The following KCNK9 variants were observed in gnomAD, a reference collection of about 807,000 sequenced individuals.
KCNK9 encodes potassium channel subfamily K member 9.
Under a neutral mutation model 10.8 loss-of-function variants are expected in KCNK9, and 1 was observed. That is an observed-to-expected ratio of 0.09 (90% confidence interval 0.03 to 0.44). The LOEUF is 0.44. KCNK9 is among the 20% of genes least tolerant of loss of function. The pLI is 0.97. For synonymous variants in KCNK9, 231 were observed against 222.7 expected (o/e 1.04, Z -0.33); for missense variants, 303 against 515.0 (o/e 0.59, Z 3.98).
chr8:139,696,214 C>T (rs1481863067), intron 1 of KCNK9, among the ~76,000 whole-genome samples: 1 of 152,132 alleles, frequency 6.6e-6, no homozygotes. Flanking sequence ...GAGCTCTTTA[C>T]CACTGGAGGC....
intron 1 of KCNK9, among the ~76,000 whole-genome samples, chr8:139,695,600 G>C (rs1817030095): frequency 6.6e-6 from 1 of 152,186 alleles, no homozygotes; most frequent in Non-Finnish European, 1.5e-5. Flanking sequence ...AAAATCCCTT[G>C]AGGAAAGGGA....
downstream of KCNK9, among the ~76,000 whole-genome samples, chr8:139,614,499 G>T (rs1467141559): frequency 6.6e-6 from 1 of 152,210 alleles, no homozygotes; most frequent in Non-Finnish European, 1.5e-5. Context: ...GCGCGCAGAT[G>T]CTTCCAAGGG....
intron 2 of KCNK9, among the ~76,000 whole-genome samples, chr8:139,603,544 G>T (rs191204347): frequency 6.6e-6 from 1 of 152,340 alleles, no homozygotes; most frequent in East Asian, 1.9e-4. Flanking sequence ...TTACTTGGTT[G>T]TTAGGGGAAA....
At chr8:139,657,723 C>T (rs1359383268) in intron 1 of KCNK9, among the ~76,000 whole-genome samples, 1 of 152,208 alleles carries the variant, frequency 6.6e-6, no homozygotes, top group African/African-American at 2.4e-5. Context: ...AGCTGCACCG[C>T]ATGGTCACTA....
chr8:139,628,443 G>C (rs1300053893), intron 1 of KCNK9, among the ~76,000 whole-genome samples: 8 of 152,186 alleles, frequency 5.3e-5, no homozygotes, highest in African/African-American at 1.9e-4. Flanking sequence ...TGGAGAACTT[G>C]AGCCCCAGGC....
chr8:139,678,470 C>T (rs548432840), intron 1 of KCNK9, among the ~76,000 whole-genome samples: 5 of 152,238 alleles, frequency 3.3e-5, no homozygotes, highest in Non-Finnish European at 2.9e-5. Flanking sequence ...CAGCTCGGCC[C>T]GTCTCCACTC....
intron 1 of KCNK9, among the ~76,000 whole-genome samples, chr8:139,674,670 G>T (rs1347769382): frequency 1.3e-5 from 2 of 152,154 alleles, no homozygotes; most frequent in Non-Finnish European, 1.5e-5. Flanking sequence ...GGGCCAGACG[G>T]TCTCTCCCCT....
In KCNK9 at chr8:139,687,352, A is replaced by ATGTATACATATATATG. The variant is rs1816813478; in HGVS notation, c.283+15342_283+15357dup. Among the ~76,000 whole-genome samples the ATGTATACATATATATG allele has an allele frequency of 3.4e-5, 5 of 147,152 alleles. 1 individual carries two copies. The highest frequency in any genetic ancestry group is 7.4e-5 in the African/African-American group (3 of 40,290). ...TGTAGATTTTCATACATATATATAT[A>ATGTATACATATATATG]TGTATACATATATATGTGTATACAT... is the stretch of plus-strand genomic sequence containing the variant. On this transcript the variant is annotated intron_variant, in intron 1 of 1. Coordinates refer to ENST00000520439, the MANE Select transcript of KCNK9 (RefSeq NM_001282534.2).
intron 1 of KCNK9, among the ~76,000 whole-genome samples, chr8:139,698,725 C>T (rs771931092): frequency 6.6e-6 from 1 of 152,218 alleles, no homozygotes; most frequent in Non-Finnish European, 1.5e-5. Context: ...GGGCCAGGTG[C>T]TCGCCCAGAG....
chr8:139,619,389 C>A (rs1814708800), intron 1 of KCNK9, among the ~76,000 whole-genome samples: 3 of 152,002 alleles, frequency 2.0e-5, no homozygotes, highest in African/African-American at 7.3e-5. Context: ...AAAGAAGAAC[C>A]AATGTCACTT....
At chr8:139,645,654 C>T (rs2129658121) in intron 1 of KCNK9, among the ~76,000 whole-genome samples, 1 of 152,176 alleles carries the variant, frequency 6.6e-6, no homozygotes, top group East Asian at 1.9e-4. Flanking sequence ...TAGAGCCCTG[C>T]ACCTGCCCCA....
intron 1 of KCNK9, among the ~76,000 whole-genome samples, chr8:139,661,536 GCCCTCC>G (rs2129706000): frequency 6.6e-6 from 1 of 152,324 alleles, no homozygotes; most frequent in South Asian, 2.1e-4. Context: ...GGAAGGGTAT[GCCCTCC>G]CCTCTGGGGC....
At chr8:139,635,123 C>T (rs553189026) in intron 1 of KCNK9, among the ~76,000 whole-genome samples, 2 of 152,346 alleles carry the variant, frequency 1.3e-5, no homozygotes, top group South Asian at 4.1e-4. Flanking sequence ...TACTGCCATG[C>T]ATAGCTCCGC....
intron 1 of KCNK9, among the ~76,000 whole-genome samples, chr8:139,700,485 T>TACACACAC (rs374444340): frequency 1.6e-3 from 235 of 142,868 alleles, no homozygotes; most frequent in East Asian, 9.0e-3. Context: ...CACATACACA[T>TACACACAC]ACACACACAC....
At chr8:139,647,908 G>T (rs184483868) in intron 1 of KCNK9, among the ~76,000 whole-genome samples, 1 of 152,276 alleles carries the variant, frequency 6.6e-6, no homozygotes, top group East Asian at 1.9e-4. Context: ...ACCTAGAATT[G>T]CCACATGACC....
At chr8:139,654,943 G>A (rs1163621829) in intron 1 of KCNK9, among the ~76,000 whole-genome samples, 1 of 152,180 alleles carries the variant, frequency 6.6e-6, no homozygotes, top group Non-Finnish European at 1.5e-5. Flanking sequence ...GCAGTGAATG[G>A]AAAGATGGGT....
intron 1 of KCNK9, among the ~76,000 whole-genome samples, chr8:139,682,410 C>A (rs1816710078): frequency 1.3e-5 from 2 of 152,140 alleles, no homozygotes; most frequent in African/African-American, 4.8e-5. Context: ...GAGCACGACA[C>A]AGGGTGGCAG....
Position 139,691,477 on chromosome 8 carries a change from T to C in KCNK9, c.283+11233A>G, listed in dbSNP as rs559087608. ...TGTACAGTTGTTGATGGGAACAACA[T>C]AGTAACACAACTGAGTGCTGTGCCC... On this transcript the variant is annotated intron_variant, in intron 1 of 1. Coordinates refer to ENST00000520439, the MANE Select transcript of KCNK9 (RefSeq NM_001282534.2). Among the ~76,000 whole-genome samples, 5 of 152,274 alleles carry C rather than the reference T, an allele frequency of 3.3e-5. No individual in the cohort carries two copies. The South Asian group carries it at 8.3e-4, about 25-fold the overall frequency.
At chr8:139,627,877 A>G (rs1217105345) in intron 1 of KCNK9, among the ~76,000 whole-genome samples, 1 of 152,242 alleles carries the variant, frequency 6.6e-6, no homozygotes, top group Non-Finnish European at 1.5e-5. Flanking sequence ...GGGAATGGCC[A>G]GCTGGCAGGC....
Sources: gnomAD v4.1 joint callset for allele counts (sites outside exome capture counted in the v4.1 genomes callset) on GRCh38, gnomAD v4.1.1 for gene constraint, MANE v1.5 for transcripts, NCBI Gene and HGNC (gene_info 2026-07-23, HGNC 2026-07-21) for gene names.